RSPH14: variants seen among roughly 807,000 people sequenced by gnomAD.
RSPH14 encodes the protein radial spoke head 14 homolog.
Under a neutral mutation model 26.7 loss-of-function variants are expected in RSPH14, and 20 were observed. The observed-to-expected ratio is 0.75, with a 90% CI of 0.53 to 1.09. RSPH14 has a LOEUF of 1.09. Among genes scored for constraint, RSPH14 ranks in the 50% least tolerant of loss-of-function variants. The probability of loss-of-function intolerance (pLI) is 0.00; values close to 1 mark genes in which losing one functional copy is unlikely to be tolerated. For missense variants in RSPH14, 449 were observed against 457.2 expected, an observed-to-expected ratio of 0.98 and a Z score of 0.16; for synonymous variants, 177 against 189.3, an observed-to-expected ratio of 0.93 and a Z score of 0.53.
the RSPH14 span, among the ~76,000 whole-genome samples, chr22:23,150,838 G>A: frequency 6.6e-6 from 1 of 152,058 alleles, no homozygotes; most frequent in Non-Finnish European, 1.5e-5. Context: ...CCCTGGACTG[G>A]GGAGGGTACC....
At chr22:23,171,842 C>CAAAAAAAAAAAAAAAAAAAAAAAAAAA in the RSPH14 span, among the ~76,000 whole-genome samples, 1 of 30,794 alleles carries the variant, frequency 3.2e-5, no homozygotes, top group Non-Finnish European at 5.7e-5. Context: ...AACTCTGTCT[C>CAAAAAAAAAAAAAAAAAAAAAAAAAAA]AAAAAAAAAA....
chr22:23,157,297 C>T, the RSPH14 span, among the ~76,000 whole-genome samples: 2 of 151,220 alleles, frequency 1.3e-5, no homozygotes, highest in Admixed American at 6.6e-5. Flanking sequence ...GTAGCCCAAA[C>T]TGGAGTGCAG....
chr22:23,130,936 AAC>A (rs1323709511), intron 4 of RSPH14, among the ~76,000 whole-genome samples: 1 of 152,234 alleles, frequency 6.6e-6, no homozygotes, highest in Admixed American at 6.5e-5. Flanking sequence ...GCTGAAGGCA[AAC>A]ACATTCTCCC....
At chr22:23,059,820 A>C in intron 6 of RSPH14, 102 bp from the exon 7 acceptor site, 55 of 1,312,578 alleles carry the variant, frequency 4.2e-5, no homozygotes, top group Non-Finnish European at 5.0e-5. Context: ...GTGCAGTCTC[A>C]AGGGGTTTAT....
intron 4 of RSPH14, among the ~76,000 whole-genome samples, chr22:23,079,416 G>A (rs1221375785): frequency 6.6e-6 from 1 of 152,170 alleles, no homozygotes; most frequent in African/African-American, 2.4e-5. Context: ...TTAAGAGTGA[G>A]GGATGGTGCT....
the RSPH14 span, among the ~76,000 whole-genome samples, chr22:23,156,783 G>A: frequency 9.9e-5 from 15 of 152,270 alleles, no homozygotes; most frequent in East Asian, 3.9e-4. Flanking sequence ...TGCCCTGGTC[G>A]CATGGCCTCC....
At chr22:23,164,346 C>G in the RSPH14 span, 2 of 152,228 alleles carry the variant, frequency 1.3e-5, no homozygotes, top group African/African-American at 4.8e-5. Context: ...CCTCATATTA[C>G]CTCCTGCAAT....
At chr22:23,153,231 A>C in the RSPH14 span, 5 of 909,470 alleles carry the variant, frequency 5.5e-6, no homozygotes, top group Non-Finnish European at 8.9e-6. Flanking sequence ...GTCAAGGAGG[A>C]CTAGTCTAGA....
the RSPH14 span, among the ~76,000 whole-genome samples, chr22:23,164,599 T>C: frequency 6.6e-6 from 1 of 152,222 alleles, no homozygotes; most frequent in Admixed American, 6.5e-5. Flanking sequence ...GTAAGTTTCC[T>C]GGGCAGAGGC....
rs145071477 is a variant in RSPH14, at chr22:23,059,644, G to A, written c.865C>T (p.Arg289Cys). 113 of 1,605,616 alleles carry A rather than the reference G, an allele frequency of 7.0e-5. No individual in the cohort carries two copies. The highest frequency in any genetic ancestry group is 3.6e-4 in the Admixed American group (21 of 58,572). ...GTAAGGGCCTTGGTGGCATTCAGGC[G>A]CGCTATGGTCATGGGGGAGTGCAGC... is the stretch of plus-strand genomic sequence containing the variant. ...ELLHSPMTIA[R>C]LNATKALTML... Residue 289 changes from arginine (R) to cysteine (C), a missense_variant, in exon 7 of 7, where the codon CGC (arginine) becomes TGC (cysteine). Physicochemically the swap from Arg to Cys is radical, Grantham distance 180 (BLOSUM62 -3). Transcript: ENST00000216036.
chr22:23,180,265 A>T, the RSPH14 span: 1 of 187,904 alleles, frequency 5.3e-6, no homozygotes, highest in Non-Finnish European at 1.1e-5. Flanking sequence ...TTTATGGACC[A>T]GGGAGTCCGG....
chr22:23,097,842 C>A (rs1168264190), intron 4 of RSPH14, among the ~76,000 whole-genome samples: 3 of 152,234 alleles, frequency 2.0e-5, no homozygotes, highest in African/African-American at 7.2e-5. Flanking sequence ...GGTGGGTCTG[C>A]CAGTCACACG....
the RSPH14 span, chr22:23,163,606 G>GCCCCA: frequency 8.0e-6 from 1 of 125,234 alleles, no homozygotes; most frequent in Non-Finnish European, 1.8e-5. Flanking sequence ...CAAGGTGAAA[G>GCCCCA]CCCCCCCCCC....
rs1462444471 is a variant in RSPH14, at chr22:23,070,499, C to G, written c.422-6366G>C. The G allele has an allele frequency of 3.3e-5, 5 of 150,452 alleles. 1 individual carries two copies. The highest frequency in any genetic ancestry group is 7.4e-5 in the Non-Finnish European group (5 of 67,528). 9.3% of individuals were successfully genotyped at this position (150,452 alleles called of 1,614,324 possible). A position where few individuals can be genotyped will look rare whatever the true frequency, so the allele number is the denominator to read the frequency against. ...GTACGGAACGAGGGCGCCGCGGCCC[C>G]GTGCTCGCCGCCCCGCCCCGCCCCG... On this transcript the variant is annotated intron_variant, in intron 4 of 6. Transcript: ENST00000216036.
chr22:23,085,912 A>G (rs1349823989), intron 4 of RSPH14, among the ~76,000 whole-genome samples: 2 of 152,230 alleles, frequency 1.3e-5, no homozygotes, highest in Non-Finnish European at 2.9e-5. Flanking sequence ...TCAAGGAGAA[A>G]ATCCCAGTTT....
At position 23,059,511 on chromosome 22, in the gene RSPH14, A is replaced by T. The variant is rs2068044133; in HGVS notation, c.998T>A (p.Leu333Ter). The change falls in exon 7 of 7, where the codon TTA becomes TAA. Residue 333 changes from leucine (L) to a stop codon, truncating the protein, a stop_gained. Transcript: ENST00000216036. LOFTEE classifies it high-confidence loss of function. Reference protein sequence around the residue: ...TYEKPQVAEALQRAARIAISV... With the variant: ...TYEKPQVAEA The stretch of plus-strand genomic sequence containing the variant: ...GATGGCGATCCGGGCTGCCCGCTGT[A>T]AGGCTTCGGCCACTTGAGGCTTTTC... The T allele has an allele frequency of 6.2e-7, 1 of 1,613,948 alleles. No homozygotes were observed. The highest frequency in any genetic ancestry group is 1.3e-5 in the African/African-American group (1 of 74,936).
intron 4 of RSPH14, among the ~76,000 whole-genome samples, chr22:23,099,084 G>A (rs2069214647): frequency 6.6e-6 from 1 of 152,206 alleles, no homozygotes; most frequent in Non-Finnish European, 1.5e-5. Flanking sequence ...AGCTTCCAAG[G>A]CCTCATCTTC....
intron 4 of RSPH14, among the ~76,000 whole-genome samples, chr22:23,097,972 A>G (rs922751652): frequency 6.6e-6 from 1 of 152,254 alleles, no homozygotes; most frequent in Non-Finnish European, 1.5e-5. Context: ...TGCTGGACAC[A>G]GGAGGCAGGA....
intron 4 of RSPH14, among the ~76,000 whole-genome samples, chr22:23,076,135 C>G (rs2068500423): frequency 6.6e-6 from 1 of 152,198 alleles, no homozygotes; most frequent in South Asian, 2.1e-4. Flanking sequence ...CTGCTCCAGA[C>G]AGGGCTGGTG....
Sources: allele counts gnomAD v4.1 joint callset (sites outside exome capture counted in the v4.1 genomes callset), GRCh38; gene constraint gnomAD v4.1.1; transcripts MANE v1.5; gene names NCBI Gene and HGNC (gene_info 2026-07-23, HGNC 2026-07-21).